The following TENM1 variants were observed in gnomAD, a reference collection of about 807,000 sequenced individuals.
TENM1 encodes the protein teneurin transmembrane protein 1.
A neutral mutation model predicts 174.8 loss-of-function variants in TENM1; 35 were observed. The ratio of observed to expected loss-of-function variants is 0.20; its 90% CI spans 0.15 to 0.27. The LOEUF is 0.27. Among genes scored for constraint, TENM1 ranks in the 10% least tolerant of loss-of-function variants. The probability of loss-of-function intolerance (pLI) is 1.00; values close to 1 mark genes in which losing one functional copy is unlikely to be tolerated. For missense variants in TENM1, 1,633 were observed against 2,130.1 expected, an observed-to-expected ratio of 0.77 and a Z score of 4.59; for synonymous variants, 781 against 798.7, an observed-to-expected ratio of 0.98 and a Z score of 0.37.
chrX:125,009,098 T>C, the TENM1 span, among the ~76,000 whole-genome samples: 19 of 48,680 alleles, frequency 3.9e-4, 1 homozygote, highest in Admixed American at 3.5e-3. Context: ...CCAGGAGCTG[T>C]TTTTTTTTTT....
intron 3 of TENM1, among the ~76,000 whole-genome samples, chrX:124,840,794 C>A (rs1020186523): frequency 9.0e-6 from 1 of 111,647 alleles, no homozygotes; most frequent in Non-Finnish European, 1.9e-5. Flanking sequence ...TCTAGGTGCT[C>A]ATTACTAATG....
At chrX:124,411,540 C>A (rs1308706517) in intron 25 of TENM1, among the ~76,000 whole-genome samples, 1 of 111,706 alleles carries the variant, frequency 9.0e-6, no homozygotes, top group Non-Finnish European at 1.9e-5. Context: ...AGCACCCCAA[C>A]TCCAACACAC....
intron 23 of TENM1, 73 bp downstream of exon 26, chrX:124,453,264 T>G: frequency 1.9e-6 from 2 of 1,032,349 alleles, no homozygotes; most frequent in African/African-American, 1.9e-5. Context: ...CTACCTCATT[T>G]CTACATGAGA....
chrX:124,459,056 C>A (rs1454647533), intron 22 of TENM1, among the ~76,000 whole-genome samples: 3 of 111,547 alleles, frequency 2.7e-5, no homozygotes, highest in East Asian at 2.8e-4. Flanking sequence ...AATAACCAGG[C>A]AATTGCAATG....
intron 1 of TENM1, among the ~76,000 whole-genome samples, chrX:124,926,783 T>G (rs188719892): frequency 2.0e-4 from 22 of 112,345 alleles, no homozygotes; most frequent in Admixed American, 1.0e-3. Flanking sequence ...CACATCAAGT[T>G]ATTTCGCTAT....
chrX:124,891,459 G>A (rs1156703756), intron 3 of TENM1, among the ~76,000 whole-genome samples: 1 of 110,371 alleles, frequency 9.1e-6, no homozygotes, highest in African/African-American at 3.3e-5. Flanking sequence ...AAGAGATTGA[G>A]ACCATCCTGG....
chrX:124,983,166 T>G, the TENM1 span, among the ~76,000 whole-genome samples: 1 of 108,430 alleles, frequency 9.2e-6, no homozygotes, highest in Non-Finnish European at 1.9e-5. Flanking sequence ...ATTGTTCTCT[T>G]TTTACTGTCT....
intron 15 of TENM1, among the ~76,000 whole-genome samples, chrX:124,537,361 T>C (rs1159892191): frequency 9.0e-6 from 1 of 111,511 alleles, no homozygotes; most frequent in African/African-American, 3.3e-5. Context: ...CTTATTTCAT[T>C]TAATGTCCAC....
the TENM1 span, among the ~76,000 whole-genome samples, chrX:124,977,961 TGTGTGTGAGAGAGAGAGAGAGAGAGAGA>T: frequency 9.2e-5 from 5 of 54,481 alleles, no homozygotes; most frequent in Admixed American, 8.8e-4. Flanking sequence ...TGTGTGTGTG[TGTGTGTGAGAGAGAGAGAGAGAGAGAGA>T]GAGAGAGAGA....
intron 1 of TENM1, among the ~76,000 whole-genome samples, chrX:124,951,651 T>TA (rs2058487474): frequency 2.2e-5 from 1 of 45,909 alleles, no homozygotes; most frequent in East Asian, 8.1e-4. Context: ...TATATATATA[T>TA]ATATATATAT....
rs112815954 is a variant in TENM1 at position 124,887,785 on chromosome X, T to C, written c.535+6511A>G. On this transcript the variant is annotated intron_variant, in intron 3 of 31. Transcript: ENST00000422452. ...ACTGCACTGTCTCACACACGCCTAA[T>C]GGGTCCAACAGAGCCATTAGGATGT... Among the ~76,000 whole-genome samples the C allele has an allele frequency of 5.5e-3, 614 of 111,107 alleles. 4 individuals are homozygous for C. Among genetic ancestry groups the C allele is most frequent in the African/African-American group, 0.019 (583 of 30,574 alleles).
the TENM1 span, among the ~76,000 whole-genome samples, chrX:125,108,761 T>TAC: frequency 9.6e-6 from 1 of 104,302 alleles, no homozygotes; most frequent in Middle Eastern, 4.9e-3. Context: ...TATATATATA[T>TAC]ACACAGATGT....
At chrX:124,816,847 CTTAA>C (rs1041502918) in intron 3 of TENM1, among the ~76,000 whole-genome samples, 2 of 109,887 alleles carry the variant, frequency 1.8e-5, no homozygotes, top group African/African-American at 6.6e-5. Flanking sequence ...TTAATAATAG[CTTAA>C]TTTATTTTTT....
At chrX:124,683,415 A>T (rs374234277) in intron 5 of TENM1, among the ~76,000 whole-genome samples, 2 of 111,996 alleles carry the variant, frequency 1.8e-5, no homozygotes, top group Non-Finnish European at 3.8e-5. Flanking sequence ...AATGAGGCCA[A>T]TGTTATAGGT....
chrX:124,436,175 G>A (rs996796148), intron 23 of TENM1, among the ~76,000 whole-genome samples: 3 of 111,758 alleles, frequency 2.7e-5, no homozygotes, highest in Non-Finnish European at 5.6e-5. Context: ...TTAAGCTACT[G>A]TCTCACAGCT....
At chrX:124,797,739 G>C (rs184335392) in intron 3 of TENM1, among the ~76,000 whole-genome samples, 185 of 107,319 alleles carry the variant, frequency 1.7e-3, no homozygotes, top group Non-Finnish European at 3.3e-3. Context: ...GTGCAGGTTT[G>C]TTACATAGGT....
chrX:124,408,774 T>G (rs1240837874), intron 25 of TENM1, among the ~76,000 whole-genome samples: 2 of 103,314 alleles, frequency 1.9e-5, no homozygotes, highest in Non-Finnish European at 4.0e-5. Flanking sequence ...ACCCGTTAAC[T>G]CGTCATTTAA....
chrX:124,800,388 A>G (rs1177711672), intron 3 of TENM1, among the ~76,000 whole-genome samples: 1 of 110,969 alleles, frequency 9.0e-6, no homozygotes, highest in African/African-American at 3.3e-5. Flanking sequence ...GCTTATTTGC[A>G]TGGAGCTGTT....
the TENM1 span, among the ~76,000 whole-genome samples, chrX:125,153,976 C>G: frequency 8.9e-6 from 1 of 112,355 alleles, no homozygotes; most frequent in Non-Finnish European, 1.9e-5. Context: ...CTCAAGTCAT[C>G]TTTTTAAGCA....
Sources: gnomAD v4.1 joint callset for allele counts (sites outside exome capture counted in the v4.1 genomes callset) on GRCh38, gnomAD v4.1.1 for gene constraint, MANE v1.5 for transcripts, NCBI Gene and HGNC (gene_info 2026-07-23, HGNC 2026-07-21) for gene names.